Variants in GPC5 observed in about 807,000 individuals in gnomAD.
The protein encoded by GPC5 is glypican 5.
Under a neutral mutation model 53.9 loss-of-function variants are expected in GPC5, and 47 were observed. That is an observed-to-expected ratio of 0.87 (90% CI 0.69 to 1.11). The LOEUF is 1.11. Ranked by LOEUF, GPC5 falls within the 50% of genes most tolerant of loss-of-function variation. The probability of loss-of-function intolerance (pLI) is 0.00; values close to 1 mark genes in which losing one functional copy is unlikely to be tolerated. For missense variants in GPC5, 748 were observed against 713.1 expected (o/e 1.05, Z -0.56); for synonymous variants, 286 against 263.3 (o/e 1.09, Z -0.84).
Position 92,605,588 on chromosome 13 carries a change from T to A in GPC5, c.1562-260694T>A, listed in dbSNP as rs190782306. On this transcript the variant is annotated intron_variant, in intron 7 of 7. Coordinates refer to ENST00000377067, the MANE Select transcript of GPC5 (RefSeq NM_004466.6). ...GCCGTATTCACTAGTTTTTTTTTTTTTTTTATTTTTTTGAGACGGAGTCTC... is the reference window on the plus strand; with the variant it reads ...GCCGTATTCACTAGTTTTTTTTTTTATTTTATTTTTTTGAGACGGAGTCTC... 7.7e-3 allele frequency among the ~76,000 whole-genome samples: 1,146 copies of A among 149,610 alleles called. 5 individuals are homozygous for A. Among genetic ancestry groups the A allele is most frequent in the Non-Finnish European group, 0.011 (761 of 67,928 alleles).
intron 7 of GPC5, among the ~76,000 whole-genome samples, chr13:92,162,376 G>A (rs1365211022): frequency 6.6e-6 from 1 of 152,036 alleles, no homozygotes; most frequent in Non-Finnish European, 1.5e-5. Context: ...TCGGCCTCTG[G>A]GGGCTAAAGA....
At chr13:91,697,434 C>G (rs2035902960) in intron 3 of GPC5, among the ~76,000 whole-genome samples, 1 of 152,138 alleles carries the variant, frequency 6.6e-6, no homozygotes, top group South Asian at 2.1e-4. Context: ...AGCCACCACG[C>G]CTGGCCTTCT....
chr13:91,652,983 CCTG>C (rs1221462437), intron 2 of GPC5, among the ~76,000 whole-genome samples: 1 of 152,156 alleles, frequency 6.6e-6, no homozygotes, highest in Non-Finnish European at 1.5e-5. Context: ...CAACGTATAA[CCTG>C]CTGACACTCA....
intron 5 of GPC5, among the ~76,000 whole-genome samples, chr13:91,883,308 T>G (rs1222448205): frequency 6.6e-6 from 1 of 152,166 alleles, no homozygotes; most frequent in Non-Finnish European, 1.5e-5. Flanking sequence ...TATCTAACCT[T>G]AAAGGTCAGA....
At chr13:92,215,026 C>T (rs1434252932) in intron 7 of GPC5, among the ~76,000 whole-genome samples, 1 of 152,156 alleles carries the variant, frequency 6.6e-6, no homozygotes, top group Non-Finnish European at 1.5e-5. Flanking sequence ...CCCAATGAGA[C>T]CTATTCAAAC....
At chr13:92,159,121 T>C (rs1050243057) in intron 7 of GPC5, among the ~76,000 whole-genome samples, 2 of 152,210 alleles carry the variant, frequency 1.3e-5, no homozygotes, top group African/African-American at 4.8e-5. Context: ...TAAATTGTGC[T>C]TACGTAAACT....
chr13:91,422,169 C>T (rs1159100147), intron 1 of GPC5, among the ~76,000 whole-genome samples: 1 of 152,204 alleles, frequency 6.6e-6, no homozygotes, highest in Non-Finnish European at 1.5e-5. Flanking sequence ...CTGACAAACT[C>T]AATCTCAACT....
At chr13:92,793,675 GAC>G (rs969792891) in intron 7 of GPC5, among the ~76,000 whole-genome samples, 54 of 152,038 alleles carry the variant, frequency 3.6e-4, no homozygotes, top group African/African-American at 1.2e-3. Context: ...GAATCAAATA[GAC>G]ACAATAAAAA....
chr13:91,722,473 A>G (rs1051135118), intron 3 of GPC5, among the ~76,000 whole-genome samples: 3 of 152,188 alleles, frequency 2.0e-5, no homozygotes, highest in African/African-American at 7.2e-5. Flanking sequence ...ATGAATAGGA[A>G]TGAAATGCAG....
chr13:92,035,755 T>TAAAAAAAAAAA (rs67401983), intron 6 of GPC5, among the ~76,000 whole-genome samples: 1 of 129,490 alleles, frequency 7.7e-6, no homozygotes, highest in African/African-American at 2.9e-5. Context: ...GAGGAAATGT[T>TAAAAAAAAAAA]AAAAAAAAAA....
At chr13:92,033,022 G>A (rs534350687) in intron 6 of GPC5, among the ~76,000 whole-genome samples, 5 of 143,922 alleles carry the variant, frequency 3.5e-5, no homozygotes, top group Non-Finnish European at 7.5e-5. Flanking sequence ...TCTTCTGCCC[G>A]GGCTAGTTAT....
intron 2 of GPC5, among the ~76,000 whole-genome samples, chr13:91,568,967 T>C (rs1027203599): frequency 6.6e-6 from 1 of 152,096 alleles, no homozygotes; most frequent in Non-Finnish European, 1.5e-5. Context: ...GCCAGGCTGG[T>C]CTTAAACTCT....
At chr13:92,751,459 G>C (rs1889396769) in intron 7 of GPC5, among the ~76,000 whole-genome samples, 1 of 151,818 alleles carries the variant, frequency 6.6e-6, no homozygotes, top group South Asian at 2.1e-4. Flanking sequence ...AATGCAGGAA[G>C]AATTCTCCAG....
intron 1 of GPC5, 98 bp downstream of exon 1, chr13:91,399,307 C>A (rs1876739688): frequency 1.4e-6 from 2 of 1,397,424 alleles, no homozygotes; most frequent in Admixed American, 2.3e-5. Context: ...GATGACCTTT[C>A]GGGCCCTGCA....
At chr13:91,441,218 T>G (rs1880397165) in intron 1 of GPC5, among the ~76,000 whole-genome samples, 1 of 152,218 alleles carries the variant, frequency 6.6e-6, no homozygotes, top group Non-Finnish European at 1.5e-5. Context: ...TGTAAGATAG[T>G]GTAGCCATAC....
At position 91,637,601 on chromosome 13, in the gene GPC5, G is replaced by T. The variant is rs545224196; in HGVS notation, c.326-55586G>T. ...CTATTACAGGACTGAAAATAGGGACGAACAGGAGAAACGGCTTAAAAAGAG... is the reference window on the plus strand; with the variant it reads ...CTATTACAGGACTGAAAATAGGGACTAACAGGAGAAACGGCTTAAAAAGAG... On this transcript the variant is annotated intron_variant, in intron 2 of 7. Coordinates refer to ENST00000377067, the MANE Select transcript of GPC5 (RefSeq NM_004466.6). Among the ~76,000 whole-genome samples the T allele has an allele frequency of 2.0e-5, 3 of 152,218 alleles. No individual in the cohort carries two copies. In the South Asian group the frequency reaches 6.2e-4, roughly 32 times the overall value.
intron 2 of GPC5, among the ~76,000 whole-genome samples, chr13:91,491,399 G>A (rs779092983): frequency 1.3e-5 from 2 of 151,840 alleles, no homozygotes; most frequent in African/African-American, 2.4e-5. Context: ...CAAACTATTC[G>A]GCATATAACC....
intron 2 of GPC5, among the ~76,000 whole-genome samples, chr13:91,562,126 C>T (rs1051429103): frequency 6.2e-5 from 8 of 128,880 alleles, no homozygotes; most frequent in Non-Finnish European, 7.8e-5. Flanking sequence ...CTGAGTTTAA[C>T]GGGAGTTATT....
intron 7 of GPC5, among the ~76,000 whole-genome samples, chr13:92,728,090 T>C (rs192987155): frequency 4.9e-4 from 74 of 151,626 alleles, no homozygotes; most frequent in Admixed American, 1.5e-3. Flanking sequence ...GAAAGTACCA[T>C]AGAATGACAA....
Sources: allele counts gnomAD v4.1 joint callset (sites outside exome capture counted in the v4.1 genomes callset), GRCh38; gene constraint gnomAD v4.1.1; transcripts MANE v1.5; gene names NCBI Gene and HGNC (gene_info 2026-07-23, HGNC 2026-07-21).